Variants in NAALADL2 observed in about 807,000 individuals in gnomAD.
The protein encoded by NAALADL2 is inactive N-acetylated-alpha-linked acidic dipeptidase-like protein 2.
Under a neutral mutation model 87.2 loss-of-function variants are expected in NAALADL2, and 76 were observed. The observed-to-expected ratio is 0.87, with a 90% CI of 0.72 to 1.05. The LOEUF is 1.05. Ranked by LOEUF, NAALADL2 falls within the 50% of genes least tolerant of loss-of-function variation. NAALADL2 has a pLI of 0.00. For missense variants in NAALADL2, 1,089 were observed against 945.8 expected, an observed-to-expected ratio of 1.15 and a Z score of -1.99; for synonymous variants, 354 against 331.0, an observed-to-expected ratio of 1.07 and a Z score of -0.75.
intron 3 of NAALADL2, among the ~76,000 whole-genome samples, chr3:174,843,816 T>G (rs1724287741): frequency 6.6e-6 from 1 of 152,164 alleles, no homozygotes; most frequent in South Asian, 2.1e-4. Context: ...TTTGGATATT[T>G]GTATGCCTTC....
At chr3:174,970,184 G>A (rs1743434864) in intron 1 of NAALADL2, among the ~76,000 whole-genome samples, 1 of 152,146 alleles carries the variant, frequency 6.6e-6, no homozygotes, top group Admixed American at 6.6e-5. Flanking sequence ...GAGATTGATT[G>A]TATTATTCAG....
At chr3:174,595,059 C>T (rs539379904) in intron 2 of NAALADL2, among the ~76,000 whole-genome samples, 1 of 152,246 alleles carries the variant, frequency 6.6e-6, no homozygotes, top group African/African-American at 2.4e-5. Context: ...TCCAGAATAG[C>T]AAGCCCTATT....
intron 1 of NAALADL2, among the ~76,000 whole-genome samples, chr3:175,029,387 C>T (rs1752563742): frequency 6.6e-6 from 1 of 151,996 alleles, no homozygotes; most frequent in Non-Finnish European, 1.5e-5. Flanking sequence ...ACCTGAGTGA[C>T]TGGTTTCTTG....
intron 3 of NAALADL2, among the ~76,000 whole-genome samples, chr3:174,769,029 TA>T (rs1714202522): frequency 6.6e-6 from 1 of 151,988 alleles, no homozygotes. Flanking sequence ...TGATTTATTT[TA>T]ATATTTATTT....
chr3:175,501,503 A>AG (rs112111843), intron 9 of NAALADL2, among the ~76,000 whole-genome samples: 36 of 151,898 alleles, frequency 2.4e-4, no homozygotes, highest in African/African-American at 8.2e-4. Context: ...TTGGAGCTGG[A>AG]GGTTGGGTCA....
At chr3:175,338,622 AACACACACAC>A (rs202022603) in intron 5 of NAALADL2, among the ~76,000 whole-genome samples, 160 of 88,468 alleles carry the variant, frequency 1.8e-3, no homozygotes, top group Admixed American at 4.6e-3. Flanking sequence ...AAACACCACA[AACACACACAC>A]ACACACACAC....
chr3:175,302,776 T>A (rs1376267591), intron 4 of NAALADL2, among the ~76,000 whole-genome samples: 1 of 151,980 alleles, frequency 6.6e-6, no homozygotes, highest in East Asian at 1.9e-4. Flanking sequence ...TTAAATGCAG[T>A]CACAAATATA....
At chr3:175,181,873 A>C (rs1035133170) in intron 2 of NAALADL2, among the ~76,000 whole-genome samples, 2 of 151,196 alleles carry the variant, frequency 1.3e-5, no homozygotes, top group African/African-American at 4.9e-5. Flanking sequence ...AAATGATGAT[A>C]TCTCTTTGAG....
chr3:175,581,242 G>C, intron 10 of NAALADL2: 1 of 281,060 alleles, frequency 3.6e-6, no homozygotes, highest in Non-Finnish European at 7.4e-6. Flanking sequence ...AGGAGATCGA[G>C]ACCAACCTGA....
intron 11 of NAALADL2, among the ~76,000 whole-genome samples, chr3:175,652,934 G>A (rs1009250327): frequency 6.6e-6 from 1 of 152,098 alleles, no homozygotes; most frequent in Non-Finnish European, 1.5e-5. Context: ...ATAGCCTGCT[G>A]TTAACTGGAA....
At chr3:175,783,505 TCTGTTATTGGTGTATAA>T (rs1751452435) in intron 13 of NAALADL2, among the ~76,000 whole-genome samples, 1 of 151,840 alleles carries the variant, frequency 6.6e-6, no homozygotes, top group Non-Finnish European at 1.5e-5. Flanking sequence ...TGGCTCTCTG[TCTGTTATTGGTGTATAA>T]GAATGCTTGT....
At chr3:175,728,383 T>A (rs1381117190) in intron 11 of NAALADL2, among the ~76,000 whole-genome samples, 1 of 152,176 alleles carries the variant, frequency 6.6e-6, no homozygotes, top group African/African-American at 2.4e-5. Flanking sequence ...CATTACACCA[T>A]TTAATTTCTA....
chr3:175,420,961 T>C (rs1264039908), intron 5 of NAALADL2, among the ~76,000 whole-genome samples: 19 of 152,050 alleles, frequency 1.2e-4, no homozygotes, highest in African/African-American at 4.3e-4. Flanking sequence ...AGTAGAAATA[T>C]TCTGATCATA....
At chr3:175,235,815 A>G (rs926736077) in intron 3 of NAALADL2, 2 of 152,220 alleles carry the variant, frequency 1.3e-5, no homozygotes, top group African/African-American at 2.4e-5. Flanking sequence ...TATTCCTTGA[A>G]GAAGGAGATA....
intron 1 of NAALADL2, among the ~76,000 whole-genome samples, chr3:175,015,745 A>G (rs1750728385): frequency 1.3e-5 from 2 of 152,124 alleles, no homozygotes; most frequent in Admixed American, 6.6e-5. Flanking sequence ...ATTAAATAGA[A>G]TAACTTATTT....
At chr3:175,639,792 T>C (rs1729053675) in intron 11 of NAALADL2, among the ~76,000 whole-genome samples, 1 of 152,206 alleles carries the variant, frequency 6.6e-6, no homozygotes, top group Admixed American at 6.5e-5. Flanking sequence ...TTACAGTGGG[T>C]ACTTTAACTT....
At chr3:174,480,964 T>C (rs1050153035) in intron 1 of NAALADL2, among the ~76,000 whole-genome samples, 1 of 152,090 alleles carries the variant, frequency 6.6e-6, no homozygotes, top group Admixed American at 6.6e-5. Flanking sequence ...AGAGTCAATA[T>C]TGATCATCAG....
At chr3:175,625,096 A>C (rs1050800095) in intron 10 of NAALADL2, among the ~76,000 whole-genome samples, 1 of 152,164 alleles carries the variant, frequency 6.6e-6, no homozygotes, top group Admixed American at 6.5e-5. Context: ...AGAAGTACAG[A>C]AGTGCCTTGA....
intron 2 of NAALADL2, among the ~76,000 whole-genome samples, chr3:175,164,866 T>G (rs1469446821): frequency 6.6e-6 from 1 of 152,186 alleles, no homozygotes; most frequent in East Asian, 1.9e-4. Flanking sequence ...ACTTACTCCC[T>G]GAACTACAAT....
Sources: gnomAD v4.1 joint callset for allele counts (sites outside exome capture counted in the v4.1 genomes callset) on GRCh38, gnomAD v4.1.1 for gene constraint, MANE v1.5 for transcripts, NCBI Gene and HGNC (gene_info 2026-07-23, HGNC 2026-07-21) for gene names.